Variants in CBY1 observed in about 807,000 individuals in gnomAD.
CBY1 encodes the protein chibby 1, beta catenin antagonist.
Under a neutral mutation model 15.6 loss-of-function variants are expected in CBY1, and 10 were observed. That is an observed-to-expected ratio of 0.64 (90% CI 0.40 to 1.09). CBY1 has a LOEUF of 1.09. Among genes scored for constraint, CBY1 ranks in the 50% least tolerant of loss-of-function variants. The pLI is 0.01. For synonymous variants in CBY1, 61 were observed against 63.5 expected, an observed-to-expected ratio of 0.96 and a Z score of 0.19; for missense variants, 150 against 160.5, an observed-to-expected ratio of 0.93 and a Z score of 0.35.
intron 1 of CBY1, among the ~76,000 whole-genome samples, chr22:38,657,429 A>G (rs2092403119): frequency 6.6e-6 from 1 of 152,224 alleles, no homozygotes. Context: ...ATTGGAAGCC[A>G]GGTGCTCCCC....
chr22:38,669,035 G>GT (rs1037778390), intron 2 of CBY1, among the ~76,000 whole-genome samples: 45 of 152,166 alleles, frequency 3.0e-4, no homozygotes, highest in African/African-American at 1.0e-3. Flanking sequence ...CCCACACAGC[G>GT]TAAGAGCAGC....
chr22:38,671,320 C>T (rs993131168), intron 4 of CBY1, 132 bp downstream of exon 4: 4 of 732,972 alleles, frequency 5.5e-6, no homozygotes, highest in African/African-American at 1.7e-5. Context: ...CAAAGCCACA[C>T]GCAAGGAACA....
At position 38,670,904 on chromosome 22, in the gene CBY1, G is replaced by C; in HGVS notation, c.99G>C (p.Glu33Asp). The C allele has an allele frequency of 6.2e-7, 1 of 1,614,188 alleles. No individual in the cohort carries two copies. Among genetic ancestry groups the C allele is most frequent in the Non-Finnish European group, 8.5e-7 (1 of 1,179,994 alleles). The change falls in exon 3 of 5, where the codon GAG becomes GAC. Residue 33 changes from glutamate to aspartate, a missense_variant. Transcript: ENST00000216029. ...NLHSLDRSTR[E>D]VELGLEYGSP... ...CACAGTTGGATCGATCAACCCGGGAGGTGGAGCTGGGCTTGGAATACGGAT... is the reference window on the plus strand; with the variant it reads ...CACAGTTGGATCGATCAACCCGGGACGTGGAGCTGGGCTTGGAATACGGAT...
At chr22:38,663,213 T>C (rs1361306783) in intron 1 of CBY1, among the ~76,000 whole-genome samples, 2 of 152,072 alleles carry the variant, frequency 1.3e-5, no homozygotes, top group East Asian at 3.9e-4. Context: ...TCTCAGCACT[T>C]TGGGAGGCCG....
Position 38,673,346 on chromosome 22 carries a change from C to A in CBY1, c.*110C>A. The A allele has an allele frequency of 1.5e-6, 1 of 680,598 alleles. No individual in the cohort carries two copies. Among genetic ancestry groups the A allele is most frequent in the Admixed American group, 2.4e-5 (1 of 42,274 alleles). The allele number at this position is 680,598 out of a possible 1,614,324, so 42.2% of individuals were successfully genotyped here. Reference sequence around the variant, plus strand: ...AGTATCATATAATGAGACCCACAGGCACTGGCACCCTTGGGTTGGCAATAG... The same window carrying A: ...AGTATCATATAATGAGACCCACAGGAACTGGCACCCTTGGGTTGGCAATAG... On this transcript the variant is annotated 3_prime_UTR_variant, in exon 5 of 5. Coordinates refer to ENST00000216029, the MANE Select transcript of CBY1 (RefSeq NM_015373.4).
At chr22:38,658,836 A>C (rs2092413397) in intron 1 of CBY1, among the ~76,000 whole-genome samples, 1 of 152,240 alleles carries the variant, frequency 6.6e-6, no homozygotes, top group African/African-American at 2.4e-5. Context: ...ATCATTCTGC[A>C]ACCTGCTTTC....
chr22:38,661,524 C>G (rs1164953065), intron 1 of CBY1, among the ~76,000 whole-genome samples: 1 of 152,184 alleles, frequency 6.6e-6, no homozygotes, highest in Non-Finnish European at 1.5e-5. Context: ...GAGCACATAA[C>G]CCCAAATACC....
In CBY1 at chr22:38,660,097, C is replaced by T. The variant is rs372545794; in HGVS notation, c.-39+3347C>T. On this transcript the variant is annotated intron_variant, in intron 1 of 4. Transcript: ENST00000216029. ...AAAGAATTATAGCATCTTCTGATTC[C>T]ACCAGTAATAACAGTGTCTTTTTCT... Among the ~76,000 whole-genome samples the T allele has an allele frequency of 3.3e-5, 5 of 152,190 alleles. No individual in the cohort carries two copies. In the South Asian group the frequency reaches 1.0e-3, roughly 32 times the overall value.
In CBY1 at chr22:38,670,987, C is replaced by T; in HGVS notation, c.182C>T (p.Ala61Val). The stretch of plus-strand genomic sequence containing the variant: ...AAGTTTGAAAATGGCCAGTGGATAG[C>T]AGGTGAGCTGCACTTCCTGCCATTT... ...SLKFENGQWI[A>V]ETGVSGGVDR... The change falls in exon 3 of 5, where the codon GCA becomes GTA. Residue 61 changes from alanine to valine, a missense_variant and splice_region_variant. By Grantham distance (64) the Ala-to-Val change is moderately conservative. Coordinates refer to ENST00000216029, the MANE Select transcript of CBY1 (RefSeq NM_015373.4). 5 of 1,613,460 alleles carry T rather than the reference C, an allele frequency of 3.1e-6. No individual in the cohort carries two copies. The South Asian group carries it at 5.5e-5, about 18-fold the overall frequency.
chr22:38,671,086 C>A lies in CBY1; in HGVS notation c.201C>A (p.Gly67=). Residue 67 remains glycine, a synonymous_variant, in exon 4 of 5, where the codon GGC becomes GGA. Transcript: ENST00000216029. Reference sequence around the variant, plus strand: ...TTCCTCCAGAGACAGGGGTTAGTGGCGGTGTGGACCGGAGGGAGGTTCAGC... The same window carrying A: ...TTCCTCCAGAGACAGGGGTTAGTGGAGGTGTGGACCGGAGGGAGGTTCAGC... ...GQWIAETGVS[G]GVDRREVQRL... is the part of the protein sequence containing the mutation. 1.2e-6 allele frequency: 2 copies of A among 1,613,966 alleles called. No individual in the cohort carries two copies. The highest frequency in any genetic ancestry group is 2.7e-5 in the African/African-American group (2 of 75,040).
At chr22:38,667,983 A>G (rs982443021) in intron 1 of CBY1, 34 bp from the exon 2 acceptor site, 5 of 1,183,734 alleles carry the variant, frequency 4.2e-6, no homozygotes, top group Non-Finnish European at 6.3e-6. Context: ...TCAGTGATCC[A>G]GCTGCTTGTA....
chr22:38,666,928 T>C (rs570584654), intron 1 of CBY1, among the ~76,000 whole-genome samples: 2 of 151,980 alleles, frequency 1.3e-5, no homozygotes, highest in Non-Finnish European at 1.5e-5. Context: ...GGTCTCAAAC[T>C]CCTGACCTCT....
chr22:38,662,306 A>G (rs1375948561), intron 1 of CBY1, among the ~76,000 whole-genome samples: 2 of 151,662 alleles, frequency 1.3e-5, no homozygotes, highest in African/African-American at 4.8e-5. Context: ...TGTCTCAAAA[A>G]AAAAAATAAA....
intron 2 of CBY1, among the ~76,000 whole-genome samples, chr22:38,669,196 C>T (rs572054886): frequency 6.6e-6 from 1 of 152,068 alleles, no homozygotes; most frequent in African/African-American, 2.4e-5. Flanking sequence ...TTATTAGTTC[C>T]CCGTTATTAC....
chr22:38,666,233 A>ATTTT lies in CBY1; in HGVS notation c.-38-1778_-38-1775dup, dbSNP rs143865290. On this transcript the variant is annotated intron_variant, in intron 1 of 4. Transcript: ENST00000216029. ...CTGTATTAATGTTATATATATATAT[A>ATTTT]TTTTTTTTTCTTTTTTAACCTTTTT... 1.3e-4 allele frequency among the ~76,000 whole-genome samples: 18 copies of ATTTT among 139,284 alleles called. No homozygotes were observed. The East Asian group carries it at 2.3e-3, about 18-fold the overall frequency. 91.4% of individuals were successfully genotyped at this position (139,284 alleles called of 152,430 possible). A position where few individuals can be genotyped will look rare whatever the true frequency, so the allele number is the denominator to read the frequency against.
chr22:38,659,014 CA>C (rs2092413928), intron 1 of CBY1, among the ~76,000 whole-genome samples: 1 of 152,192 alleles, frequency 6.6e-6, no homozygotes, highest in Admixed American at 6.6e-5. Flanking sequence ...CTGCTCACTG[CA>C]ACCTCTGCCT....
At chr22:38,665,473 C>T (rs781609137) in intron 1 of CBY1, 1 of 385,114 alleles carries the variant, frequency 2.6e-6, no homozygotes. Context: ...TCAAGAAACA[C>T]AAAACAAAAC....
chr22:38,668,799 C>T (rs2092444372), intron 2 of CBY1: 1 of 152,674 alleles, frequency 6.5e-6, no homozygotes, highest in Non-Finnish European at 1.5e-5. Context: ...TGAGCATTCA[C>T]TACAGGTTTC....
chr22:38,658,360 G>A (rs904065694), intron 1 of CBY1, among the ~76,000 whole-genome samples: 3 of 152,078 alleles, frequency 2.0e-5, no homozygotes. Context: ...TCTTGACCTC[G>A]TGATCTGCCC....
Sources: gnomAD v4.1 joint callset for allele counts (sites outside exome capture counted in the v4.1 genomes callset) on GRCh38, gnomAD v4.1.1 for gene constraint, MANE v1.5 for transcripts, NCBI Gene and HGNC (gene_info 2026-07-23, HGNC 2026-07-21) for gene names.